Variants in NEO1 observed in about 807,000 individuals in gnomAD.
The protein encoded by NEO1 is neogenin 1, also known as neogenin.
In NEO1, 63 loss-of-function variants were observed where a neutral mutation model predicts 159.7. That is an observed-to-expected ratio of 0.39 (90% CI 0.32 to 0.49). NEO1 has a LOEUF of 0.49. Ranked by LOEUF, NEO1 falls within the 20% of genes least tolerant of loss-of-function variation. The pLI is 0.85. For missense variants in NEO1, 1,615 were observed against 1,831.0 expected, an observed-to-expected ratio of 0.88 and a Z score of 2.15; for synonymous variants, 633 against 662.0, an observed-to-expected ratio of 0.96 and a Z score of 0.67.
intron 1 of NEO1, among the ~76,000 whole-genome samples, chr15:73,116,330 T>C (rs1049808027): frequency 3.3e-5 from 5 of 152,168 alleles, no homozygotes; most frequent in Non-Finnish European, 4.4e-5. Flanking sequence ...GGTTTTTTTT[T>C]CCCCTAATGT....
chr15:73,233,212 C>T (rs1012982124), intron 7 of NEO1, among the ~76,000 whole-genome samples: 1 of 152,102 alleles, frequency 6.6e-6, no homozygotes, highest in African/African-American at 2.4e-5. Context: ...TAGAATCAAC[C>T]TGGGGAAAGC....
At chr15:73,124,588 T>A (rs4777591) in intron 3 of NEO1, among the ~76,000 whole-genome samples, 1 of 151,910 alleles carries the variant, frequency 6.6e-6, no homozygotes, top group Non-Finnish European at 1.5e-5. Context: ...CATTTTCTCT[T>A]TCTGGAATCC....
intron 15 of NEO1, among the ~76,000 whole-genome samples, chr15:73,265,228 A>T (rs535740899): frequency 6.6e-6 from 1 of 152,156 alleles, no homozygotes; most frequent in Non-Finnish European, 1.5e-5. Context: ...GGAGGGGATG[A>T]GGGAAAAGGA....
intron 7 of NEO1, among the ~76,000 whole-genome samples, chr15:73,233,619 A>T (rs1025455008): frequency 6.6e-6 from 1 of 152,190 alleles, no homozygotes; most frequent in African/African-American, 2.4e-5. Flanking sequence ...GTAAACATGA[A>T]AAATGGAAAT....
chr15:73,264,658 A>G (rs1567640170), intron 15 of NEO1, among the ~76,000 whole-genome samples: 1 of 152,204 alleles, frequency 6.6e-6, no homozygotes, highest in Non-Finnish European at 1.5e-5. Flanking sequence ...AGGTGGAGAA[A>G]TGCAGTTAGC....
At chr15:73,194,513 AGAG>A (rs755911613) in intron 7 of NEO1, among the ~76,000 whole-genome samples, 39 of 152,306 alleles carry the variant, frequency 2.6e-4, no homozygotes, top group Middle Eastern at 3.4e-3. Context: ...ACATGGTGAG[AGAG>A]GAGGAGGTTC....
intron 27 of NEO1, 151 bp from the exon 28 acceptor site, chr15:73,301,170 C>T: frequency 1.0e-6 from 1 of 957,838 alleles, no homozygotes; most frequent in Non-Finnish European, 1.5e-6. Flanking sequence ...CTCCCTCCTT[C>T]CCTCTTATTC....
At chr15:73,141,512 A>C (rs1331904801) in intron 5 of NEO1, among the ~76,000 whole-genome samples, 1 of 152,210 alleles carries the variant, frequency 6.6e-6, no homozygotes, top group Non-Finnish European at 1.5e-5. Context: ...CAGTTACAAC[A>C]GTCTGTGATA....
intron 1 of NEO1, among the ~76,000 whole-genome samples, chr15:73,097,719 A>G (rs954502462): frequency 3.6e-5 from 5 of 139,982 alleles, no homozygotes; most frequent in African/African-American, 1.4e-4. Flanking sequence ...TTTATTTTCT[A>G]TTATGATGAG....
intron 4 of NEO1, among the ~76,000 whole-genome samples, chr15:73,135,045 A>T (rs1359698634): frequency 6.6e-6 from 1 of 152,192 alleles, no homozygotes; most frequent in African/African-American, 2.4e-5. Context: ...TTAAAGTGGC[A>T]GCTTTAATTA....
chr15:73,238,141 G>A (rs2039288066), intron 8 of NEO1, among the ~76,000 whole-genome samples: 1 of 152,112 alleles, frequency 6.6e-6, no homozygotes, highest in Non-Finnish European at 1.5e-5. Flanking sequence ...CATGGTGGGA[G>A]TGTTTACAGT....
chr15:73,130,512 A>G (rs1451931276), intron 4 of NEO1, among the ~76,000 whole-genome samples: 1 of 152,042 alleles, frequency 6.6e-6, no homozygotes, highest in African/African-American at 2.4e-5. Context: ...ACTTTCTCCT[A>G]CTCCAGTCAA....
chr15:73,239,496 C>T (rs779523268), intron 8 of NEO1, among the ~76,000 whole-genome samples: 9 of 152,280 alleles, frequency 5.9e-5, no homozygotes, highest in Middle Eastern at 6.8e-3. Context: ...CACATAACAA[C>T]GCTTCAGTCA....
At chr15:73,301,033 G>C (rs1420997411) in intron 27 of NEO1, among the ~76,000 whole-genome samples, 1 of 152,212 alleles carries the variant, frequency 6.6e-6, no homozygotes, top group Non-Finnish European at 1.5e-5. Flanking sequence ...ACTATAAAGA[G>C]AGCTTTGGCC....
At chr15:73,275,659 A>G (rs1567670513) in intron 21 of NEO1, among the ~76,000 whole-genome samples, 1 of 152,148 alleles carries the variant, frequency 6.6e-6, no homozygotes, top group Non-Finnish European at 1.5e-5. Flanking sequence ...TGTCTCAAAA[A>G]AAAAGTAAAT....
At chr15:73,245,473 G>A (rs1393163791) in intron 9 of NEO1, among the ~76,000 whole-genome samples, 2 of 152,100 alleles carry the variant, frequency 1.3e-5, no homozygotes, top group Non-Finnish European at 2.9e-5. Flanking sequence ...CTATAGGACC[G>A]AAATTACAAG....
intron 1 of NEO1, among the ~76,000 whole-genome samples, chr15:73,113,475 A>G (rs916207037): frequency 6.6e-6 from 1 of 152,194 alleles, no homozygotes; most frequent in African/African-American, 2.4e-5. Context: ...TGAGATACCC[A>G]AAGGAACCTC....
At chr15:73,172,131 C>T (rs547872641) in intron 5 of NEO1, among the ~76,000 whole-genome samples, 1 of 152,002 alleles carries the variant, frequency 6.6e-6, no homozygotes, top group Non-Finnish European at 1.5e-5. Flanking sequence ...TCAGTATTGA[C>T]CATGACTTGA....
intron 1 of NEO1, among the ~76,000 whole-genome samples, chr15:73,103,259 A>G (rs1276643131): frequency 6.6e-6 from 1 of 152,180 alleles, no homozygotes; most frequent in African/African-American, 2.4e-5. Flanking sequence ...TTTACTTACC[A>G]TCTTAAAGCC....
Sources: gnomAD v4.1 joint callset for allele counts (sites outside exome capture counted in the v4.1 genomes callset) on GRCh38, gnomAD v4.1.1 for gene constraint, MANE v1.5 for transcripts, NCBI Gene and HGNC (gene_info 2026-07-23, HGNC 2026-07-21) for gene names.